UNC5C: variants seen among roughly 807,000 people sequenced by gnomAD.
UNC5C encodes unc-5 netrin receptor C, also known as netrin receptor UNC5C.
Under a neutral mutation model 99.8 loss-of-function variants are expected in UNC5C, and 47 were observed. The observed-to-expected ratio is 0.47, with a 90% CI of 0.37 to 0.60. The LOEUF is 0.60. Among genes scored for constraint, UNC5C ranks in the 20% least tolerant of loss-of-function variants. UNC5C has a pLI of 0.00. For synonymous variants in UNC5C, 487 were observed against 452.2 expected (o/e 1.08, Z -0.98); for missense variants, 1,062 against 1,165.9 (o/e 0.91, Z 1.30).
chr4:95,229,177 G>A lies in UNC5C; in HGVS notation c.1109-9001C>T, dbSNP rs570598972. On this transcript the variant is annotated intron_variant, in intron 7 of 15. Coordinates refer to ENST00000453304, the MANE Select transcript of UNC5C (RefSeq NM_003728.4). Reference sequence around the variant, plus strand: ...AAGTTCTGAGATACATGTGCAGAATGTGCAGGTTTGTTACATAGGTATACA... The same window carrying A: ...AAGTTCTGAGATACATGTGCAGAATATGCAGGTTTGTTACATAGGTATACA... Among the ~76,000 whole-genome samples the A allele has an allele frequency of 2.6e-5, 4 of 152,190 alleles. No individual in the cohort carries two copies. The South Asian group carries it at 8.3e-4, about 32-fold the overall frequency.
At chr4:95,416,570 C>G (rs903088387) in intron 1 of UNC5C, among the ~76,000 whole-genome samples, 1 of 152,174 alleles carries the variant, frequency 6.6e-6, no homozygotes, top group African/African-American at 2.4e-5. Context: ...AAGTGAAAAA[C>G]AGGTATTATT....
intron 1 of UNC5C, among the ~76,000 whole-genome samples, chr4:95,381,530 CATATA>C (rs1319931684): frequency 3.3e-5 from 5 of 152,042 alleles, no homozygotes; most frequent in Non-Finnish European, 7.4e-5. Context: ...CCTCTACCAC[CATATA>C]TCACTGTCCG....
chr4:95,173,696 A>T (rs1482791856), intron 14 of UNC5C, among the ~76,000 whole-genome samples: 1 of 151,732 alleles, frequency 6.6e-6, no homozygotes, highest in Non-Finnish European at 1.5e-5. Flanking sequence ...ATTGGTCTAA[A>T]ATTCTCTTTT....
chr4:95,356,686 T>C (rs1312721590), intron 1 of UNC5C, among the ~76,000 whole-genome samples: 2 of 152,190 alleles, frequency 1.3e-5, no homozygotes. Context: ...GTATCAGGAC[T>C]GTGTGAGAGA....
chr4:95,271,535 G>A (rs1324397135), intron 4 of UNC5C, among the ~76,000 whole-genome samples: 1 of 152,134 alleles, frequency 6.6e-6, no homozygotes, highest in Admixed American at 6.6e-5. Flanking sequence ...GGCCACAGCT[G>A]AGGTTTATTA....
chr4:95,318,300 A>C (rs1175729500), intron 2 of UNC5C, among the ~76,000 whole-genome samples: 1 of 152,178 alleles, frequency 6.6e-6, no homozygotes, highest in African/African-American at 2.4e-5. Flanking sequence ...CTGGAAGCCC[A>C]GGAGTGCCAG....
At chr4:95,173,105 T>C (rs1431760543) in intron 14 of UNC5C, among the ~76,000 whole-genome samples, 2 of 152,020 alleles carry the variant, frequency 1.3e-5, no homozygotes, top group African/African-American at 4.8e-5. Flanking sequence ...CCTGAGACTT[T>C]GCTGAAGTTG....
At chr4:95,245,168 A>T in intron 5 of UNC5C, 24 bp from the exon 6 acceptor site, 1 of 1,606,128 alleles carries the variant, frequency 6.2e-7, no homozygotes, top group Non-Finnish European at 8.5e-7. Flanking sequence ...AACAGTAAAA[A>T]GTGGATTAAA....
intron 1 of UNC5C, among the ~76,000 whole-genome samples, chr4:95,442,369 AT>A (rs5860407): frequency 0.09 from 11,362 of 126,254 alleles, 530 homozygotes; most frequent in African/African-American, 0.18. Flanking sequence ...TGCCCAGCTA[AT>A]TTTTTTTTTT....
At chr4:95,520,290 T>G (rs1469448324) in intron 1 of UNC5C, among the ~76,000 whole-genome samples, 2 of 152,220 alleles carry the variant, frequency 1.3e-5, no homozygotes, top group African/African-American at 4.8e-5. Flanking sequence ...AAGATAAGGA[T>G]TATCTACCGT....
At position 95,183,383 on chromosome 4, in the gene UNC5C, TAA is replaced by T. The variant is rs57162384; in HGVS notation, c.2287-324_2287-323del. On this transcript the variant is annotated intron_variant, in intron 13 of 15. Transcript: ENST00000453304. ...AACAACAGGAACCATTGTAAATGAT[TAA>T]AAAAAAAAAAGAGTTTATACAATTC... 4.7e-3 allele frequency among the ~76,000 whole-genome samples: 703 copies of T among 149,482 alleles called. 14 individuals are homozygous for T. Among genetic ancestry groups the T allele is most frequent in the Admixed American group, 0.025 (372 of 15,016 alleles).
At chr4:95,203,232 A>AAAG (rs1464349323) in intron 11 of UNC5C, among the ~76,000 whole-genome samples, 1 of 152,190 alleles carries the variant, frequency 6.6e-6, no homozygotes, top group Non-Finnish European at 1.5e-5. Context: ...GTACGTGTGA[A>AAAG]AAGAATTAGA....
chr4:95,384,536 C>T (rs1418810927), intron 1 of UNC5C, among the ~76,000 whole-genome samples: 2 of 152,072 alleles, frequency 1.3e-5, no homozygotes, highest in African/African-American at 4.8e-5. Flanking sequence ...TGTGGTAAAG[C>T]TGGACCACAG....
At chr4:95,304,587 T>C (rs1266998863) in intron 2 of UNC5C, among the ~76,000 whole-genome samples, 12 of 152,092 alleles carry the variant, frequency 7.9e-5, no homozygotes. Flanking sequence ...TTTTTCCCCC[T>C]ACTCTCTGAT....
At chr4:95,189,274 TCA>T in intron 12 of UNC5C, among the ~76,000 whole-genome samples, 1 of 152,312 alleles carries the variant, frequency 6.6e-6, no homozygotes, top group Middle Eastern at 3.4e-3. Context: ...TGACTTCCTT[TCA>T]CAGTTCTTTT....
chr4:95,246,285 AGTG>A (rs1739499302), intron 5 of UNC5C, among the ~76,000 whole-genome samples: 1 of 152,212 alleles, frequency 6.6e-6, no homozygotes, highest in Non-Finnish European at 1.5e-5. Flanking sequence ...GGCTGGGTGC[AGTG>A]GCTCATGCTT....
At chr4:95,287,200 A>C (rs970434303) in intron 3 of UNC5C, among the ~76,000 whole-genome samples, 3 of 152,218 alleles carry the variant, frequency 2.0e-5, no homozygotes, top group Admixed American at 1.3e-4. Context: ...TCATAAATTC[A>C]TATTTTATAA....
At chr4:95,238,540 C>A (rs987776238) in intron 7 of UNC5C, among the ~76,000 whole-genome samples, 2 of 152,116 alleles carry the variant, frequency 1.3e-5, no homozygotes, top group African/African-American at 4.8e-5. Context: ...CTCAATTGGT[C>A]TCATCTTATT....
At chr4:95,280,500 C>G (rs542267540) in intron 3 of UNC5C, among the ~76,000 whole-genome samples, 1 of 152,202 alleles carries the variant, frequency 6.6e-6, no homozygotes, top group East Asian at 1.9e-4. Context: ...ACCAGCCTGG[C>G]CAACATGGTG....
Sources: gnomAD v4.1 joint callset for allele counts (sites outside exome capture counted in the v4.1 genomes callset) on GRCh38, gnomAD v4.1.1 for gene constraint, MANE v1.5 for transcripts, NCBI Gene and HGNC (gene_info 2026-07-23, HGNC 2026-07-21) for gene names.